The following FAM120A variants were observed in gnomAD, a reference collection of about 807,000 sequenced individuals.
The protein encoded by FAM120A is constitutive coactivator of PPAR-gamma-like protein 1.
FAM120A carries 15 observed loss-of-function variants against 109.7 expected under a neutral mutation model. The observed-to-expected ratio is 0.14, with a 90% CI of 0.09 to 0.21. The LOEUF is 0.21. FAM120A is among the 10% of genes least tolerant of loss of function. The pLI is 1.00. For missense variants in FAM120A, 899 were observed against 1,439.3 expected (o/e 0.62, Z 6.07); for synonymous variants, 493 against 572.8 (o/e 0.86, Z 1.99).
At chr9:93,528,980 C>G (rs1278422822) in intron 8 of FAM120A, among the ~76,000 whole-genome samples, 1 of 152,118 alleles carries the variant, frequency 6.6e-6, no homozygotes, top group Non-Finnish European at 1.5e-5. Context: ...AACAGAAACA[C>G]AGGAATGGAC....
chr9:93,550,560 T>C lies in FAM120A; in HGVS notation c.2160-17T>C, dbSNP rs1862062635. The C allele has an allele frequency of 6.2e-7, 1 of 1,606,550 alleles. No homozygotes were observed. Among genetic ancestry groups the C allele is most frequent in the Non-Finnish European group, 8.5e-7 (1 of 1,174,240 alleles). ...CCACTCAGTAATCACCAACCTTTTG[T>C]TTCTGCCCCTCACCAGGTACATGGT... On this transcript the variant is annotated splice_polypyrimidine_tract_variant and intron_variant, in intron 11 of 17. Coordinates refer to ENST00000277165, the MANE Select transcript of FAM120A (RefSeq NM_014612.5).
chr9:93,547,220 A>G (rs1237324244), intron 11 of FAM120A, among the ~76,000 whole-genome samples: 1 of 152,196 alleles, frequency 6.6e-6, no homozygotes, highest in Non-Finnish European at 1.5e-5. Context: ...GCAGCAGCTT[A>G]TGTTCTTGTA....
chr9:93,480,524 A>G (rs1858753600), intron 3 of FAM120A, among the ~76,000 whole-genome samples: 1 of 152,072 alleles, frequency 6.6e-6, no homozygotes, highest in Non-Finnish European at 1.5e-5. Context: ...ACAGACACCC[A>G]AGCCTGAGGC....
chr9:93,507,704 T>C (rs1429971412), intron 5 of FAM120A, among the ~76,000 whole-genome samples: 1 of 152,142 alleles, frequency 6.6e-6, no homozygotes, highest in Non-Finnish European at 1.5e-5. Context: ...TTGGGCAAGA[T>C]GAGGGCGCTG....
intron 5 of FAM120A, among the ~76,000 whole-genome samples, chr9:93,508,750 C>T (rs1860177316): frequency 6.6e-6 from 1 of 152,182 alleles, no homozygotes; most frequent in African/African-American, 2.4e-5. Context: ...TCCTGCTGCT[C>T]CCCTGACTTT....
At chr9:93,504,882 C>T (rs1859962720) in intron 5 of FAM120A, among the ~76,000 whole-genome samples, 1 of 152,084 alleles carries the variant, frequency 6.6e-6, no homozygotes, top group Admixed American at 6.6e-5. Context: ...TGAAAGAACC[C>T]TCTCATTGCT....
intron 10 of FAM120A, among the ~76,000 whole-genome samples, chr9:93,539,599 C>G (rs538878063): frequency 6.6e-6 from 1 of 152,334 alleles, no homozygotes; most frequent in East Asian, 1.9e-4. Context: ...CAGATGGTAC[C>G]CACCCAGGAT....
intron 2 of FAM120A, among the ~76,000 whole-genome samples, chr9:93,472,801 C>T (rs551405359): frequency 3.0e-4 from 46 of 152,210 alleles, no homozygotes; most frequent in East Asian, 7.7e-4. Context: ...AGTATCAAAA[C>T]GATTGCGCTA....
intron 11 of FAM120A, among the ~76,000 whole-genome samples, chr9:93,545,780 CTTTTTTTTTTTT>C (rs774150537): frequency 2.3e-4 from 15 of 65,512 alleles, no homozygotes; most frequent in African/African-American, 6.8e-4. Context: ...GGAAAGACTC[CTTTTTTTTTTTT>C]TTTTTTTTTT....
rs565937112 is a variant in FAM120A, at chr9:93,505,295, C to T, written c.1030+6409C>T. Reference sequence around the variant, plus strand: ...CAAGATGGTCTCAATCTCCTGACCTCGTGATCCGCCCGCCTCGGCCTCCCG... The same window carrying T: ...CAAGATGGTCTCAATCTCCTGACCTTGTGATCCGCCCGCCTCGGCCTCCCG... On this transcript the variant is annotated intron_variant, in intron 5 of 17. Coordinates refer to ENST00000277165, the MANE Select transcript of FAM120A (RefSeq NM_014612.5). Among the ~76,000 whole-genome samples the T allele has an allele frequency of 2.3e-3, 351 of 152,070 alleles. 2 individuals carry two copies. The highest frequency in any genetic ancestry group is 4.1e-3 in the Non-Finnish European group (279 of 67,986).
intron 15 of FAM120A, among the ~76,000 whole-genome samples, chr9:93,560,721 G>A (rs950347229): frequency 3.3e-5 from 5 of 152,336 alleles, no homozygotes; most frequent in Admixed American, 6.5e-5. Context: ...TAGATTTATT[G>A]ATTCTATGAT....
intron 7 of FAM120A, among the ~76,000 whole-genome samples, chr9:93,523,568 C>T (rs994645614): frequency 6.6e-6 from 1 of 152,166 alleles, no homozygotes; most frequent in Admixed American, 6.5e-5. Flanking sequence ...ACGTTGTGTT[C>T]TAGCCATCCA....
intron 3 of FAM120A, among the ~76,000 whole-genome samples, chr9:93,477,579 A>G (rs1858601122): frequency 6.6e-6 from 1 of 152,240 alleles, no homozygotes; most frequent in South Asian, 2.1e-4. Context: ...GGGGAAATGC[A>G]GCGTGTAATC....
intron 17 of FAM120A, among the ~76,000 whole-genome samples, chr9:93,562,988 A>G (rs1045172039): frequency 1.3e-5 from 2 of 152,012 alleles, no homozygotes; most frequent in South Asian, 2.1e-4. Flanking sequence ...TTTATGTTTT[A>G]TATTATTTGT....
chr9:93,543,248 G>A lies in FAM120A; in HGVS notation c.1936G>A (p.Ala646Thr), dbSNP rs766843816. ...EFSPVIIKEW[A>T]AYKGKSPQTP... is the part of the protein sequence containing the mutation. ...TTCACCAGTGATCATTAAAGAATGG[G>A]CAGCTTACAAAGGAAAGTCTCCTCA... The change falls in exon 11 of 18, where the codon GCA becomes ACA. Residue 646 changes from alanine to threonine, a missense_variant. By Grantham distance (58) the Ala-to-Thr change is moderately conservative. Transcript: ENST00000277165. 5.0e-6 allele frequency: 8 copies of A among 1,613,990 alleles called. No individual in the cohort carries two copies. The highest frequency in any genetic ancestry group is 1.3e-5 in the African/African-American group (1 of 74,904).
rs752588120 is a variant in FAM120A at position 93,561,225 on chromosome 9, G to A, written c.2923G>A (p.Val975Ile). 1.9e-6 allele frequency: 3 copies of A among 1,612,934 alleles called. No homozygotes were observed. In the South Asian group the frequency reaches 3.3e-5, roughly 18 times the overall value. Residue 975 changes from valine (V) to isoleucine (I), a missense_variant, in exon 16 of 18, where the codon GTT (valine) becomes ATT (isoleucine). Val to Ile is a conservative substitution (Grantham distance 29). Around this residue, in one of 11 missense-constraint regions of FAM120A, gnomAD observed 170 missense variants for 205.0 expected, o/e 0.83. Transcript: ENST00000277165. ...GGRGPFPLQV[V>I]SVGGPARGRP... ...CCGGGGGCCTTTCCCCCTGCAGGTG[G>A]TTTCTGTCGGAGGACCAGCTAGAGG... is the stretch of plus-strand genomic sequence containing the variant.
chr9:93,463,089 A>G (rs1203067361), intron 1 of FAM120A, among the ~76,000 whole-genome samples: 4 of 152,168 alleles, frequency 2.6e-5, no homozygotes, highest in Non-Finnish European at 5.9e-5. Context: ...AGGAATCACC[A>G]TACGATTTCC....
At chr9:93,533,587 C>T (rs1236302049) in intron 10 of FAM120A, among the ~76,000 whole-genome samples, 3 of 152,336 alleles carry the variant, frequency 2.0e-5, no homozygotes, top group Middle Eastern at 3.4e-3. Flanking sequence ...ATTCTTTTCT[C>T]ACATTGTGTG....
chr9:93,521,815 C>T (rs969920693), intron 7 of FAM120A, among the ~76,000 whole-genome samples: 3 of 152,188 alleles, frequency 2.0e-5, no homozygotes, highest in Non-Finnish European at 4.4e-5. Context: ...AGGCCGGGTG[C>T]AATGGCTCAT....
Sources: gnomAD v4.1 joint callset for allele counts (sites outside exome capture counted in the v4.1 genomes callset) on GRCh38, gnomAD v4.1.1 for gene constraint, gnomAD v4.1.1 regional missense constraint, MANE v1.5 for transcripts, NCBI Gene and HGNC (gene_info 2026-07-23, HGNC 2026-07-21) for gene names.